MIA2: variants seen among roughly 807,000 people sequenced by gnomAD.
The protein encoded by MIA2 is MIA SH3 domain ER export factor 2.
A neutral mutation model predicts 167.8 loss-of-function variants in MIA2; 127 were observed. The observed-to-expected ratio is 0.76, with a 90% CI of 0.66 to 0.88. The LOEUF is 0.88. Ranked by LOEUF, MIA2 falls within the 40% of genes least tolerant of loss-of-function variation. The probability of loss-of-function intolerance (pLI) is 0.00; values close to 1 mark genes in which losing one functional copy is unlikely to be tolerated. For missense variants in MIA2, 1,690 were observed against 1,624.7 expected (o/e 1.04, Z -0.69); for synonymous variants, 552 against 541.9 (o/e 1.02, Z -0.26).
intron 23 of MIA2, among the ~76,000 whole-genome samples, chr14:39,361,852 C>CTTT (rs879790809): frequency 2.0e-5 from 3 of 152,092 alleles, no homozygotes; most frequent in Non-Finnish European, 4.4e-5. Context: ...CAGAAATAGC[C>CTTT]TTTATGATGT....
At chr14:39,383,064 C>G (rs1176822463) in intron 23 of MIA2, among the ~76,000 whole-genome samples, 1 of 132,412 alleles carries the variant, frequency 7.6e-6, no homozygotes, top group Admixed American at 9.3e-5. Context: ...TATAAAGAAA[C>G]AGATGATATG....
chr14:39,238,756 T>C (rs1376121794), intron 2 of MIA2, among the ~76,000 whole-genome samples: 1 of 125,818 alleles, frequency 7.9e-6, no homozygotes, highest in East Asian at 2.6e-4. Context: ...ATTGTACCAC[T>C]GCACTCCAGC....
chr14:39,286,730 GTTGCCCAGGC>G (rs1025991058), intron 9 of MIA2, among the ~76,000 whole-genome samples: 1 of 110,176 alleles, frequency 9.1e-6, no homozygotes. Context: ...CTCTCACTCT[GTTGCCCAGGC>G]TGGATTGCAG....
intron 6 of MIA2, among the ~76,000 whole-genome samples, chr14:39,272,341 GA>G (rs1302486915): frequency 1.3e-5 from 2 of 152,110 alleles, no homozygotes; most frequent in Non-Finnish European, 2.9e-5. Context: ...GACAGGGCGA[GA>G]CTCCATCCCA....
intron 6 of MIA2, among the ~76,000 whole-genome samples, chr14:39,274,438 T>C (rs980170741): frequency 2.7e-5 from 4 of 150,590 alleles, no homozygotes; most frequent in Non-Finnish European, 5.9e-5. Context: ...TTTCTTTTTT[T>C]TTTTTTTTGA....
At chr14:39,358,114 G>A (rs2139264109) in intron 23 of MIA2, among the ~76,000 whole-genome samples, 1 of 152,252 alleles carries the variant, frequency 6.6e-6, no homozygotes, top group East Asian at 1.9e-4. Flanking sequence ...TGCTAGACTG[G>A]GGAAGTTCTC....
chr14:39,364,294 G>A (rs1405564726), intron 23 of MIA2, among the ~76,000 whole-genome samples: 1 of 151,894 alleles, frequency 6.6e-6, no homozygotes. Context: ...AGAGGCAGAA[G>A]TTGCAGTGAG....
Position 39,269,074 on chromosome 14 carries a change from G to GTTTTTTTTTTTTTTTTTTT in MIA2, c.1888-7853_1888-7835dup, listed in dbSNP as rs3065036. The GTTTTTTTTTTTTTTTTTTT allele has an allele frequency of 4.6e-5, 27 of 583,234 alleles. 2 individuals carry two copies. The highest frequency in any genetic ancestry group is 1.5e-4 in the Admixed American group (1 of 6,576). 36.1% of individuals were successfully genotyped at this position (583,234 alleles called of 1,614,324 possible). A position where few individuals can be genotyped will look rare whatever the true frequency, so the allele number is the denominator to read the frequency against. On this transcript the variant is annotated intron_variant, in intron 6 of 28. Transcript: ENST00000640607. ...GGTGCGTTGTATCTTCACCTGCACA[G>GTTTTTTTTTTTTTTTTTTT]TTTTTTTTTTTTTTTTTTTTTTTTT...
intron 23 of MIA2, among the ~76,000 whole-genome samples, chr14:39,384,173 T>A (rs893914648): frequency 8.5e-5 from 13 of 152,192 alleles, no homozygotes; most frequent in African/African-American, 3.1e-4. Context: ...ATGCAACTGG[T>A]CACTTTAAGC....
At chr14:39,296,420 T>C (rs1240861041) in intron 13 of MIA2, among the ~76,000 whole-genome samples, 2 of 151,954 alleles carry the variant, frequency 1.3e-5, no homozygotes, top group Non-Finnish European at 2.9e-5. Context: ...AATTGGTCAT[T>C]TTTGGAAATC....
intron 23 of MIA2, among the ~76,000 whole-genome samples, chr14:39,371,950 G>A (rs1266721423): frequency 6.6e-6 from 1 of 151,932 alleles, no homozygotes; most frequent in Non-Finnish European, 1.5e-5. Context: ...GGGGGAGAGA[G>A]TCCTTTTTTC....
chr14:39,356,806 T>C (rs1042496603), intron 23 of MIA2, among the ~76,000 whole-genome samples: 10 of 152,254 alleles, frequency 6.6e-5, no homozygotes, highest in African/African-American at 2.2e-4. Flanking sequence ...TATTTCGTTA[T>C]GTACCCAGTA....
At chr14:39,301,739 C>A (rs1300542887) in intron 14 of MIA2, among the ~76,000 whole-genome samples, 1 of 152,178 alleles carries the variant, frequency 6.6e-6, no homozygotes, top group Non-Finnish European at 1.5e-5. Context: ...AACTAAAAAT[C>A]TACGATCTTT....
intron 13 of MIA2, among the ~76,000 whole-genome samples, chr14:39,297,061 G>A (rs572772993): frequency 4.4e-4 from 67 of 151,960 alleles, no homozygotes; most frequent in African/African-American, 1.2e-3. Flanking sequence ...ACAAGCGCGA[G>A]CCACCACGCC....
intron 9 of MIA2, among the ~76,000 whole-genome samples, chr14:39,290,121 C>T (rs1020495704): frequency 6.6e-6 from 1 of 152,146 alleles, no homozygotes; most frequent in African/African-American, 2.4e-5. Flanking sequence ...GCACAGGGTT[C>T]ATCTGACTTG....
At chr14:39,345,720 T>G (rs189589049) in intron 25 of MIA2, among the ~76,000 whole-genome samples, 184 bp from the exon 26 acceptor site, 67 of 152,326 alleles carry the variant, frequency 4.4e-4, no homozygotes, top group Admixed American at 4.4e-3. Flanking sequence ...TTGTGTTTAC[T>G]ATAAAGGTTA....
At chr14:39,291,368 C>T (rs966595293) in intron 10 of MIA2, among the ~76,000 whole-genome samples, 4 of 152,116 alleles carry the variant, frequency 2.6e-5, no homozygotes, top group East Asian at 1.9e-4. Flanking sequence ...ATAGAAACTT[C>T]GTTCTATTAT....
intron 23 of MIA2, among the ~76,000 whole-genome samples, chr14:39,358,223 C>G (rs1481466707): frequency 1.3e-5 from 2 of 152,182 alleles, no homozygotes; most frequent in Non-Finnish European, 2.9e-5. Context: ...TTCACATAGT[C>G]CCATATTTCT....
chr14:39,243,122 CAA>C (rs112534680), intron 3 of MIA2, among the ~76,000 whole-genome samples: 10,410 of 127,344 alleles, frequency 0.082, 358 homozygotes, highest in African/African-American at 0.11. Flanking sequence ...AACTTTGTCT[CAA>C]AAAAAAAAAA....
Sources: gnomAD v4.1 joint callset for allele counts (sites outside exome capture counted in the v4.1 genomes callset) on GRCh38, gnomAD v4.1.1 for gene constraint, MANE v1.5 for transcripts, NCBI Gene and HGNC (gene_info 2026-07-23, HGNC 2026-07-21) for gene names.